RASAL2: variants seen among roughly 807,000 people sequenced by gnomAD.
RASAL2 encodes the protein ras GTPase-activating protein nGAP.
RASAL2 carries 58 observed loss-of-function variants against 128.9 expected under a neutral mutation model. The ratio of observed to expected loss-of-function variants is 0.45; its 90% confidence interval spans 0.36 to 0.56. The LOEUF is 0.56. Ranked by LOEUF, RASAL2 falls within the 20% of genes least tolerant of loss-of-function variation. The pLI is 0.00. For missense variants in RASAL2, 1,360 were observed against 1,601.6 expected, an observed-to-expected ratio of 0.85 and a Z score of 2.57; for synonymous variants, 561 against 580.8, an observed-to-expected ratio of 0.97 and a Z score of 0.49.
intron 1 of RASAL2, among the ~76,000 whole-genome samples, chr1:178,207,170 T>G (rs1001978737): frequency 7.2e-6 from 1 of 139,396 alleles, no homozygotes; most frequent in Middle Eastern, 3.5e-3. Flanking sequence ...AAAAAAAAAG[T>G]AATGATTTTA....
intron 1 of RASAL2, among the ~76,000 whole-genome samples, chr1:178,249,336 A>G (rs546778125): frequency 5.9e-5 from 9 of 151,814 alleles, no homozygotes; most frequent in Non-Finnish European, 8.8e-5. Flanking sequence ...CGATTCAGCT[A>G]TAGATACTTG....
intron 1 of RASAL2, among the ~76,000 whole-genome samples, chr1:178,280,058 G>A (rs1041632978): frequency 2.0e-5 from 3 of 152,056 alleles, no homozygotes; most frequent in Non-Finnish European, 4.4e-5. Flanking sequence ...AACAGAATAC[G>A]AAAAGTTCAT....
At chr1:178,246,033 T>G (rs1408919354) in intron 1 of RASAL2, among the ~76,000 whole-genome samples, 1 of 152,218 alleles carries the variant, frequency 6.6e-6, no homozygotes, top group Admixed American at 6.5e-5. Context: ...TTGCTTAGGA[T>G]TGTCTTGGCT....
chr1:178,388,629 A>G (rs940237368), intron 3 of RASAL2, among the ~76,000 whole-genome samples: 5 of 152,214 alleles, frequency 3.3e-5, no homozygotes, highest in Non-Finnish European at 5.9e-5. Context: ...CACAGAGAAG[A>G]TATGTTTAGT....
intron 1 of RASAL2, among the ~76,000 whole-genome samples, chr1:178,186,597 C>G (rs552237630): frequency 6.6e-6 from 1 of 152,192 alleles, no homozygotes; most frequent in South Asian, 2.1e-4. Context: ...GAGTAGTAGT[C>G]AGCAGTCATT....
chr1:178,376,434 A>T (rs972702051), intron 3 of RASAL2, among the ~76,000 whole-genome samples: 2 of 152,166 alleles, frequency 1.3e-5, no homozygotes, highest in Non-Finnish European at 2.9e-5. Flanking sequence ...TAAGTGGAGG[A>T]GAGAGCAAGA....
At chr1:178,146,144 G>A (rs1660723202) in intron 1 of RASAL2, among the ~76,000 whole-genome samples, 1 of 152,206 alleles carries the variant, frequency 6.6e-6, no homozygotes, top group African/African-American at 2.4e-5. Context: ...TTAGCAAGGT[G>A]TCTTTTATAA....
intron 3 of RASAL2, among the ~76,000 whole-genome samples, chr1:178,334,774 A>T (rs1669507702): frequency 6.6e-6 from 1 of 152,186 alleles, no homozygotes; most frequent in South Asian, 2.1e-4. Flanking sequence ...CCTGGCCAAC[A>T]TGGTGAAATC....
At chr1:178,423,580 C>T (rs144701807) in intron 5 of RASAL2, among the ~76,000 whole-genome samples, 40 of 152,104 alleles carry the variant, frequency 2.6e-4, no homozygotes, top group East Asian at 1.4e-3. Context: ...AAAACTGAGA[C>T]GCAGAGAAAT....
intron 3 of RASAL2, among the ~76,000 whole-genome samples, chr1:178,325,554 G>A (rs1470731586): frequency 2.6e-5 from 4 of 152,098 alleles, no homozygotes; most frequent in African/African-American, 9.7e-5. Context: ...CTTAAAATAA[G>A]AAGAGAAAAA....
At chr1:178,271,162 C>A (rs188703388) in intron 1 of RASAL2, among the ~76,000 whole-genome samples, 2 of 152,308 alleles carry the variant, frequency 1.3e-5, no homozygotes, top group South Asian at 4.1e-4. Context: ...TTGAGAGCTA[C>A]CTAGTACTGG....
intron 1 of RASAL2, among the ~76,000 whole-genome samples, chr1:178,196,060 G>A (rs1662648433): frequency 6.6e-6 from 1 of 151,976 alleles, no homozygotes; most frequent in Non-Finnish European, 1.5e-5. Context: ...CCTATCAAAT[G>A]AAAATATAAA....
chr1:178,416,286 T>C (rs1407750019), intron 4 of RASAL2, among the ~76,000 whole-genome samples: 1 of 152,100 alleles, frequency 6.6e-6, no homozygotes, highest in Non-Finnish European at 1.5e-5. Context: ...GTATAACTAA[T>C]GTAAGTCCAC....
At chr1:178,118,724 A>G (rs1659606840) in intron 1 of RASAL2, among the ~76,000 whole-genome samples, 3 of 152,186 alleles carry the variant, frequency 2.0e-5, no homozygotes, top group Admixed American at 1.3e-4. Flanking sequence ...ATGTTCACTC[A>G]TCGCCCTCAT....
intron 3 of RASAL2, among the ~76,000 whole-genome samples, chr1:178,339,483 A>G (rs1197567492): frequency 1.3e-5 from 2 of 152,174 alleles, no homozygotes; most frequent in Non-Finnish European, 2.9e-5. Context: ...CTATTTAGCC[A>G]TGAGCTCAAG....
chr1:178,307,287 T>A (rs555097107), intron 3 of RASAL2, among the ~76,000 whole-genome samples: 39 of 151,908 alleles, frequency 2.6e-4, no homozygotes, highest in East Asian at 1.7e-3. Context: ...AAAAAAAAAA[T>A]TTTTTTCCAC....
chr1:178,300,042 A>T lies in RASAL2; in HGVS notation c.381A>T (p.Arg127=), dbSNP rs946298973. ...QEQQTDSTKG[R]CLRRTVSVPS... is the part of the protein sequence containing the mutation. ...AGCAGACAGATTCCACCAAAGGGCG[A>T]TGCCTGAGGAGAACTGTCAGTGTCC... Residue 127 remains arginine, a synonymous_variant, in exon 3 of 18, where the codon CGA becomes CGT. Transcript: ENST00000367649. The T allele has an allele frequency of 3.7e-6, 6 of 1,614,042 alleles. No individual in the cohort carries two copies. Among genetic ancestry groups the T allele is most frequent in the Non-Finnish European group, 5.1e-6 (6 of 1,179,956 alleles).
chr1:178,439,325 A>C, intron 5 of RASAL2, 97 bp from the exon 6 acceptor site: 1 of 1,065,252 alleles, frequency 9.4e-7, no homozygotes, highest in Non-Finnish European at 1.3e-6. Context: ...TTCTTCCCTT[A>C]GGCATTTGTA....
intron 2 of RASAL2, among the ~76,000 whole-genome samples, chr1:178,299,275 A>G (rs1268445249): frequency 6.6e-6 from 1 of 152,206 alleles, no homozygotes; most frequent in Non-Finnish European, 1.5e-5. Flanking sequence ...ATATTTTAAG[A>G]TAATTTTGAG....
Sources: allele counts gnomAD v4.1 joint callset (sites outside exome capture counted in the v4.1 genomes callset), GRCh38; gene constraint gnomAD v4.1.1; transcripts MANE v1.5; gene names NCBI Gene and HGNC (gene_info 2026-07-23, HGNC 2026-07-21).